Variants in IGBP1C observed in about 807,000 individuals in gnomAD.
IGBP1C encodes immunoglobulin-binding protein 1 family member C.
the IGBP1C span, among the ~76,000 whole-genome samples, chr17:58,690,147 G>GT: frequency 6.7e-6 from 1 of 150,228 alleles, no homozygotes; most frequent in Non-Finnish European, 1.5e-5. Flanking sequence ...TTGAGTGGGG[G>GT]TTTTTTTGTT....
chr17:58,669,407 G>A, the IGBP1C span, among the ~76,000 whole-genome samples: 1 of 151,418 alleles, frequency 6.6e-6, no homozygotes, highest in Non-Finnish European at 1.5e-5. Context: ...TGTCATATTT[G>A]CTGAAAGTCA....
the IGBP1C span, among the ~76,000 whole-genome samples, chr17:58,666,154 C>T: frequency 6.6e-6 from 1 of 151,892 alleles, no homozygotes; most frequent in South Asian, 2.1e-4. Context: ...ACCAGCCTTG[C>T]CAACATGGTA....
chr17:58,688,163 C>A, the IGBP1C span, among the ~76,000 whole-genome samples: 40 of 152,050 alleles, frequency 2.6e-4, no homozygotes, highest in Non-Finnish European at 4.7e-4. Flanking sequence ...TCTTGTCGCC[C>A]AGGCTGGAGT....
At chr17:58,680,908 A>T in the IGBP1C span, among the ~76,000 whole-genome samples, 1 of 152,288 alleles carries the variant, frequency 6.6e-6, no homozygotes, top group African/African-American at 2.4e-5. Flanking sequence ...AATTAGCCAG[A>T]GTTTATAACT....
At chr17:58,672,763 G>T in the IGBP1C span, among the ~76,000 whole-genome samples, 3 of 151,332 alleles carry the variant, frequency 2.0e-5, no homozygotes, top group African/African-American at 7.3e-5. Flanking sequence ...ATGGAGTCTC[G>T]CTCTGTCACC....
chr17:58,663,312 C>T, the IGBP1C span, among the ~76,000 whole-genome samples: 1 of 148,450 alleles, frequency 6.7e-6, no homozygotes, highest in Non-Finnish European at 1.5e-5. Flanking sequence ...ATCCCAGCTA[C>T]TTGGGAGGCT....
At chr17:58,685,617 G>A in the IGBP1C span, among the ~76,000 whole-genome samples, 1 of 151,822 alleles carries the variant, frequency 6.6e-6, no homozygotes, top group East Asian at 1.9e-4. Context: ...AGAGGAAAAG[G>A]AAGAAGGTAA....
At chr17:58,678,167 G>T in the IGBP1C span, among the ~76,000 whole-genome samples, 1 of 152,056 alleles carries the variant, frequency 6.6e-6, no homozygotes, top group Non-Finnish European at 1.5e-5. Flanking sequence ...AAAAAAAAGG[G>T]AAGTTTTTAG....
chr17:58,683,052 C>CAAAAAAAAA, the IGBP1C span, among the ~76,000 whole-genome samples: 20 of 53,820 alleles, frequency 3.7e-4, no homozygotes, highest in Admixed American at 4.1e-4. Context: ...GAGTCTGTCT[C>CAAAAAAAAA]AAAAAAAAAA....
the IGBP1C span, among the ~76,000 whole-genome samples, chr17:58,669,914 A>T: frequency 4.6e-5 from 7 of 152,194 alleles, no homozygotes; most frequent in East Asian, 1.4e-3. Context: ...CTCTGGATAA[A>T]GCACCAACTC....
At chr17:58,678,206 TC>T in the IGBP1C span, among the ~76,000 whole-genome samples, 1 of 152,086 alleles carries the variant, frequency 6.6e-6, no homozygotes, top group African/African-American at 2.4e-5. Flanking sequence ...GAAAAGCTTA[TC>T]CAGATGGGCC....
chr17:58,689,348 G>C, the IGBP1C span, among the ~76,000 whole-genome samples: 1 of 152,052 alleles, frequency 6.6e-6, no homozygotes, highest in Non-Finnish European at 1.5e-5. Flanking sequence ...AGCCTCCTAA[G>C]TAGCTGGGAC....
chr17:58,681,945 A>C, the IGBP1C span, among the ~76,000 whole-genome samples: 4 of 152,204 alleles, frequency 2.6e-5, no homozygotes, highest in African/African-American at 7.2e-5. Context: ...ATTACCACCA[A>C]ACAATTCTTA....
chr17:58,662,213 G>T, the IGBP1C span, among the ~76,000 whole-genome samples: 3 of 151,326 alleles, frequency 2.0e-5, no homozygotes, highest in Non-Finnish European at 1.5e-5. Flanking sequence ...CACTTTGGGA[G>T]GCCGAGGTGG....
the IGBP1C span, among the ~76,000 whole-genome samples, chr17:58,686,710 G>T: frequency 6.6e-6 from 1 of 152,020 alleles, no homozygotes; most frequent in Non-Finnish European, 1.5e-5. Flanking sequence ...CTGTAAAATT[G>T]ATACTGCTAG....
chr17:58,663,485 A>G, the IGBP1C span, among the ~76,000 whole-genome samples: 2 of 146,752 alleles, frequency 1.4e-5, no homozygotes, highest in South Asian at 2.1e-4. Flanking sequence ...TTTTTTTTTT[A>G]AGACAGAGTC....
At chr17:58,680,128 G>C in the IGBP1C span, among the ~76,000 whole-genome samples, 2 of 152,114 alleles carry the variant, frequency 1.3e-5, no homozygotes, top group Admixed American at 6.5e-5. Context: ...TGCCCAGGCT[G>C]GGGTACAGTA....
At chr17:58,667,338 C>T in the IGBP1C span, among the ~76,000 whole-genome samples, 12 of 152,286 alleles carry the variant, frequency 7.9e-5, no homozygotes, top group African/African-American at 2.6e-4. Flanking sequence ...GTTTGTAAAA[C>T]CTGCATTACT....
chr17:58,674,544 C>A, the IGBP1C span, among the ~76,000 whole-genome samples: 2 of 151,306 alleles, frequency 1.3e-5, no homozygotes, highest in Non-Finnish European at 2.9e-5. Flanking sequence ...GTGGCTCAGG[C>A]CTGTAATCCC....
Sources: allele counts gnomAD v4.1 joint callset (sites outside exome capture counted in the v4.1 genomes callset), GRCh38; gene constraint gnomAD v4.1.1; transcripts MANE v1.5; gene names NCBI Gene and HGNC (gene_info 2026-07-23, HGNC 2026-07-21).